Variants in LCK observed in about 807,000 individuals in gnomAD.
LCK encodes tyrosine-protein kinase Lck.
Under a neutral mutation model 64.6 loss-of-function variants are expected in LCK, and 14 were observed. That is an observed-to-expected ratio of 0.22 (90% CI 0.14 to 0.34). LCK has a LOEUF of 0.34. Ranked by LOEUF, LCK falls within the 10% of genes least tolerant of loss-of-function variation. The pLI is 1.00. For synonymous variants in LCK, 277 were observed against 263.6 expected, an observed-to-expected ratio of 1.05 and a Z score of -0.49; for missense variants, 434 against 668.1, an observed-to-expected ratio of 0.65 and a Z score of 3.86.
intron 3 of LCK, 53 bp downstream of exon 3, chr1:32,274,871 T>C (rs1217380443): frequency 6.2e-7 from 1 of 1,613,878 alleles, no homozygotes; most frequent in Non-Finnish European, 8.5e-7. Flanking sequence ...CCCTGGCTGT[T>C]GGCTTCCACC....
intron 1 of LCK, among the ~76,000 whole-genome samples, chr1:32,271,493 A>C (rs181058420): frequency 2.2e-3 from 330 of 152,298 alleles, no homozygotes; most frequent in Non-Finnish European, 3.2e-3. Context: ...TCCGGGCAAC[A>C]TAGCAATACC....
Position 32,276,934 on chromosome 1 carries a change from C to T in LCK, c.964+148C>T, listed in dbSNP as rs1160388800. On this transcript the variant is annotated intron_variant, in intron 9 of 12. Transcript: ENST00000336890. The surrounding 1 kb of genome is among the most constrained non-coding windows in gnomAD (Gnocchi z 4.6). ...TGCCCCCTGGAGACTCACCTCCAGC[C>T]GGGCGCGGTGGCTCAGGCCTGTAAT... The T allele has an allele frequency of 6.2e-6, 5 of 808,016 alleles. No individual in the cohort carries two copies. Among genetic ancestry groups the T allele is most frequent in the Non-Finnish European group, 7.2e-6 (4 of 552,394 alleles). The allele number at this position is 808,016 out of a possible 1,614,324, so 50.1% of individuals were successfully genotyped here.
At position 32,276,398 on chromosome 1, in the gene LCK, GCC is replaced by G; in HGVS notation, c.694_695del (p.Pro232ValfsTer85). The G allele has an allele frequency of 6.2e-7, 1 of 1,612,260 alleles. No individual in the cohort carries two copies. The highest frequency in any genetic ancestry group is 1.1e-5 in the South Asian group (1 of 90,980). ...CCTGCCAGACCCAGAAGCCCCAGAA[GCC>G]GTGGTGGGAGGACGAGTGGGAGGTT... ...RPCQTQKPQK[P>X]WWEDEWEVPR... is the part of the protein sequence containing the mutation. On this transcript the variant is annotated frameshift_variant, in exon 8 of 13. Transcript: ENST00000336890. LOFTEE classifies it high-confidence loss of function. This position sits in a 1 kb window ranked among gnomAD's most constrained non-coding sequence, Gnocchi z 4.6.
At chr1:32,270,508 C>G (rs1245868621) in intron 1 of LCK, among the ~76,000 whole-genome samples, 2 of 151,578 alleles carry the variant, frequency 1.3e-5, no homozygotes, top group African/African-American at 4.9e-5. Flanking sequence ...GATTCTCCTG[C>G]CTCAGCCTCC....
At chr1:32,278,216 T>C (rs1640340582) in intron 9 of LCK, among the ~76,000 whole-genome samples, 3 of 152,208 alleles carry the variant, frequency 2.0e-5, no homozygotes, top group Non-Finnish European at 4.4e-5. Context: ...TACCATATAG[T>C]AACTGATCAA....
rs1640223305 is a variant in LCK, at chr1:32,275,265, G to A, written c.279-56G>A. On this transcript the variant is annotated intron_variant, in intron 4 of 12. Coordinates refer to ENST00000336890, the MANE Select transcript of LCK (RefSeq NM_005356.5). The surrounding 1 kb of genome is among the most constrained non-coding windows in gnomAD (Gnocchi z 6.9). ...CTTAAGGGGTGGAGGGGTCTTTGAG[G>A]GAGGGTCTCAGGTCGACGGCTGAGC... 2 of 1,575,606 alleles carry A rather than the reference G, an allele frequency of 1.3e-6. No homozygotes were observed. The highest frequency in any genetic ancestry group is 1.7e-6 in the Non-Finnish European group (2 of 1,145,516).
chr1:32,270,250 C>CTTTTTTTTTT (rs1195979098), intron 1 of LCK, among the ~76,000 whole-genome samples: 110 of 126,644 alleles, frequency 8.7e-4, no homozygotes, highest in African/African-American at 2.2e-3. Flanking sequence ...GCCCAGCTAA[C>CTTTTTTTTTT]TTTTTTTTTT....
chr1:32,270,718 T>G (rs1293713872), intron 1 of LCK, among the ~76,000 whole-genome samples: 1 of 133,348 alleles, frequency 7.5e-6, no homozygotes, highest in Non-Finnish European at 1.6e-5. Flanking sequence ...TTTTTTTTTT[T>G]GAGACGGACG....
chr1:32,278,558 C>T (rs957445637), intron 9 of LCK, among the ~76,000 whole-genome samples: 9 of 152,108 alleles, frequency 5.9e-5, no homozygotes, highest in African/African-American at 1.9e-4. Flanking sequence ...AGGCTGGTCT[C>T]GATCTCCTGT....
At position 32,275,325 on chromosome 1, in the gene LCK, G is replaced by C. The variant is rs377653414; in HGVS notation, c.283G>C (p.Gly95Arg). The C allele has an allele frequency of 6.2e-7, 1 of 1,614,150 alleles. No individual in the cohort carries two copies. The highest frequency in any genetic ancestry group is 8.5e-7 in the Non-Finnish European group (1 of 1,180,010). Residue 95 changes from glycine to arginine, a missense_variant, in exon 5 of 13, where the codon GGC becomes CGC. By Grantham distance (125) the Gly-to-Arg change is moderately radical. Transcript: ENST00000336890. This position sits in a 1 kb window ranked among gnomAD's most constrained non-coding sequence, Gnocchi z 6.9. Reference protein sequence around the residue: ...GEQLRILEQSGEWWKAQSLTT... With the variant: ...GEQLRILEQSREWWKAQSLTT... ...TGACCCACCTCCGTGGCGCAGGAGCGGCGAGTGGTGGAAGGCGCAGTCCCT... is the reference window on the plus strand; with the variant it reads ...TGACCCACCTCCGTGGCGCAGGAGCCGCGAGTGGTGGAAGGCGCAGTCCCT...
At chr1:32,279,770 C>T (rs753641479) in intron 10 of LCK, 23 bp downstream of exon 10, 4 of 1,608,586 alleles carry the variant, frequency 2.5e-6, no homozygotes, top group East Asian at 2.2e-5. Flanking sequence ...GGGAGGGGGG[C>T]TGGGCAAGGG....
Position 32,274,430 on chromosome 1 carries a change from G to A in LCK, c.101G>A (p.Gly34Asp), listed in dbSNP as rs1640192059. 1 of 1,611,106 alleles carries A rather than the reference G, an allele frequency of 6.2e-7. No homozygotes were observed. The highest frequency in any genetic ancestry group is 2.2e-5 in the East Asian group (1 of 44,866). ...HYPIVPLDGK[G>D]TLLIRNGSEV... ...CCCATAGTCCCACTGGATGGCAAGG[G>A]CACGGTAAGAGGCGAGACAGGGGCC... The change falls in exon 2 of 13, where the codon GGC becomes GAC. Residue 34 changes from glycine (G) to aspartate (D), a missense_variant. Coordinates refer to ENST00000336890, the MANE Select transcript of LCK (RefSeq NM_005356.5).
intron 1 of LCK, among the ~76,000 whole-genome samples, chr1:32,273,431 T>C (rs1241278782): frequency 6.6e-6 from 1 of 151,604 alleles, no homozygotes; most frequent in East Asian, 1.9e-4. Flanking sequence ...AGAGTGTGTG[T>C]GTGGCAGAAT....
In LCK at chr1:32,275,356, C is replaced by T; in HGVS notation, c.314C>T (p.Thr105Met). 6.2e-7 allele frequency: 1 copy of T among 1,614,146 alleles called. No individual in the cohort carries two copies. The highest frequency in any genetic ancestry group is 1.1e-5 in the South Asian group (1 of 91,080). The change falls in exon 5 of 13, where the codon ACG becomes ATG. Residue 105 changes from threonine (T) to methionine (M), a missense_variant. Physicochemically the swap from Thr to Met is moderately conservative, Grantham distance 81 (BLOSUM62 -1). Coordinates refer to ENST00000336890, the MANE Select transcript of LCK (RefSeq NM_005356.5). The surrounding 1 kb of genome is among the most constrained non-coding windows in gnomAD (Gnocchi z 6.9). ...GEWWKAQSLT[T>M]GQEGFIPFNF... ...TGGTGGAAGGCGCAGTCCCTGACCA[C>T]GGGCCAGGAAGGCTTCATCCCCTTC...
chr1:32,258,540 G>A (rs1639684139), intron 1 of LCK, among the ~76,000 whole-genome samples: 1 of 150,548 alleles, frequency 6.6e-6, no homozygotes, highest in African/African-American at 2.5e-5. Context: ...CCAGCACTTT[G>A]GGAGGCGGAG....
chr1:32,252,587 G>A lies in LCK; in HGVS notation c.-6+1216G>A, dbSNP rs77812311. Among the ~76,000 whole-genome samples the A allele has an allele frequency of 2.7e-3, 414 of 152,244 alleles. 2 individuals are homozygous for A. Among genetic ancestry groups the A allele is most frequent in the African/African-American group, 9.8e-3 (405 of 41,518 alleles). The stretch of plus-strand genomic sequence containing the variant: ...ATGGTGGCTCTCCTCGCACTTCAGG[G>A]AGGGTCATTCACCCTGGACAGGCAT... On this transcript the variant is annotated intron_variant, in intron 1 of 12. Transcript: ENST00000336890.
At position 32,275,826 on chromosome 1, in the gene LCK, G is replaced by A; in HGVS notation, c.482-88G>A. 4 of 1,520,438 alleles carry A rather than the reference G, an allele frequency of 2.6e-6. No individual in the cohort carries two copies. The highest frequency in any genetic ancestry group is 3.6e-6 in the Non-Finnish European group (4 of 1,119,566). 94.2% of individuals were successfully genotyped at this position (1,520,438 alleles called of 1,614,324 possible). A position where few individuals can be genotyped will look rare whatever the true frequency, so the allele number is the denominator to read the frequency against. ...GGCGCGGGATGACCCGGAGTTGGGG[G>A]TGCTGGGTGAGCCCAAGGTGGGGGC... On this transcript the variant is annotated intron_variant, in intron 6 of 12. Transcript: ENST00000336890. This position sits in a 1 kb window ranked among gnomAD's most constrained non-coding sequence, Gnocchi z 6.9.
At chr1:32,267,447 G>T (rs929464075) in intron 1 of LCK, among the ~76,000 whole-genome samples, 5 of 152,152 alleles carry the variant, frequency 3.3e-5, no homozygotes, top group Non-Finnish European at 5.9e-5. Flanking sequence ...CCCATGGGAG[G>T]CTGAGTATCT....
chr1:32,263,434 TA>T (rs1013309716), intron 1 of LCK, among the ~76,000 whole-genome samples: 1 of 121,346 alleles, frequency 8.2e-6, no homozygotes, highest in African/African-American at 3.8e-5. Context: ...AATAAATAAA[TA>T]AATAAATAAA....
Sources: allele counts gnomAD v4.1 joint callset (sites outside exome capture counted in the v4.1 genomes callset), GRCh38; gene constraint gnomAD v4.1.1; non-coding constraint Gnocchi (gnomAD v3.1); transcripts MANE v1.5; gene names NCBI Gene and HGNC (gene_info 2026-07-23, HGNC 2026-07-21).